IL1R2: variants seen among roughly 807,000 people sequenced by gnomAD.
The protein encoded by IL1R2 is interleukin-1 receptor type 2.
In IL1R2, 46 loss-of-function variants were observed where a neutral mutation model predicts 39.5. The observed-to-expected ratio is 1.16, with a 90% CI of 0.92 to 1.49. The LOEUF (loss-of-function observed/expected upper bound fraction) is 1.49. IL1R2 is among the 40% of genes most tolerant of loss of function. IL1R2 has a pLI of 0.00. For missense variants in IL1R2, 537 were observed against 502.0 expected, an observed-to-expected ratio of 1.07 and a Z score of -0.67; for synonymous variants, 207 against 189.6, an observed-to-expected ratio of 1.09 and a Z score of -0.75.
intron 4 of IL1R2, 70 bp from the exon 5 acceptor site, chr2:102,019,568 A>G: frequency 9.4e-7 from 1 of 1,067,796 alleles, no homozygotes; most frequent in Non-Finnish European, 1.4e-6. Context: ...GTTGATAATG[A>G]TGATGTAATT....
intron 4 of IL1R2, among the ~76,000 whole-genome samples, chr2:102,018,609 A>G (rs1291138672): frequency 6.6e-6 from 1 of 152,206 alleles, no homozygotes; most frequent in Non-Finnish European, 1.5e-5. Flanking sequence ...CGCATGTACT[A>G]TATCCAAGCC....
rs764483579 is a variant in IL1R2 at position 102,026,134 on chromosome 2, AC to A, written c.912del (p.Tyr305ThrfsTer6). 6.2e-7 allele frequency: 1 copy of A among 1,605,994 alleles called. No homozygotes were observed. The highest frequency in any genetic ancestry group is 1.7e-5 in the Admixed American group (1 of 58,756). The part of the protein sequence containing the change: ...PRQEYSENNE[N>X]YIEVPLIFDP... Reference sequence around the variant, plus strand: ...AGGGAATATTCAGAAAATAATGAGAACTACATTGAAGTGCCATTGATTTTTG... The same window carrying A: ...AGGGAATATTCAGAAAATAATGAGAATACATTGAAGTGCCATTGATTTTTG... On this transcript the variant is annotated frameshift_variant, in exon 8 of 9. Transcript: ENST00000332549. LOFTEE classifies it high-confidence loss of function.
intron 3 of IL1R2, among the ~76,000 whole-genome samples, chr2:102,013,524 CAAA>C (rs771727938): frequency 5.3e-4 from 3 of 5,694 alleles, no homozygotes; most frequent in Non-Finnish European, 9.0e-4. Flanking sequence ...TCTATCACTG[CAAA>C]AAAAAAAAAA....
At position 102,009,638 on chromosome 2, in the gene IL1R2, G is replaced by C. The variant is rs543195065; in HGVS notation, c.144G>C (p.Leu48=). Residue 48 remains leucine (L), a synonymous_variant, in exon 3 of 9, where the codon CTG becomes CTC. Transcript: ENST00000332549. ...EFRLEGEPVA[L]RCPQVPYWLW... ...GGCTGGAAGGGGAGCCTGTAGCCCT[G>C]AGGTGCCCCCAGGTGCCCTACTGGT... The C allele has an allele frequency of 2.5e-6, 4 of 1,614,176 alleles. No individual in the cohort carries two copies. The highest frequency in any genetic ancestry group is 1.7e-5 in the Admixed American group (1 of 60,026).
chr2:102,016,211 G>A, intron 4 of IL1R2, 160 bp downstream of exon 4: 5 of 535,096 alleles, frequency 9.3e-6, no homozygotes, highest in Non-Finnish European at 1.3e-5. Flanking sequence ...TCCACATCCT[G>A]GGATTCAACC....
At chr2:102,021,062 T>C (rs1482285345) in intron 5 of IL1R2, among the ~76,000 whole-genome samples, 1 of 152,062 alleles carries the variant, frequency 6.6e-6, no homozygotes, top group African/African-American at 2.4e-5. Flanking sequence ...ATGCCCCAGC[T>C]CCATAGGGCA....
At chr2:102,012,848 T>C (rs1416424103) in intron 3 of IL1R2, among the ~76,000 whole-genome samples, 1 of 152,214 alleles carries the variant, frequency 6.6e-6, no homozygotes, top group Non-Finnish European at 1.5e-5. Context: ...TAAGAAAACA[T>C]GAAACCTGAA....
At chr2:102,022,338 A>T in intron 6 of IL1R2, 89 bp downstream of exon 6, 1 of 1,065,968 alleles carries the variant, frequency 9.4e-7, no homozygotes, top group Middle Eastern at 2.0e-4. Context: ...GCGTCTGCTG[A>T]TCATACCTGC....
At chr2:101,998,696 A>G (rs1469290942) in intron 1 of IL1R2, among the ~76,000 whole-genome samples, 4 of 152,174 alleles carry the variant, frequency 2.6e-5, no homozygotes, top group Non-Finnish European at 5.9e-5. Context: ...GAGGCTGAGC[A>G]TAGCTAGGAT....
At chr2:102,024,505 T>C (rs1239485940) in intron 6 of IL1R2, 28 bp from the exon 7 acceptor site, 49 of 1,575,708 alleles carry the variant, frequency 3.1e-5, no homozygotes, top group Non-Finnish European at 4.1e-5. Flanking sequence ...GGTTCTGCAG[T>C]TGACGTGCTG....
intron 3 of IL1R2, among the ~76,000 whole-genome samples, chr2:102,011,734 T>C (rs1466333563): frequency 6.6e-6 from 1 of 152,242 alleles, no homozygotes; most frequent in Non-Finnish European, 1.5e-5. Flanking sequence ...GTGTCATTTG[T>C]TACACAAAAG....
chr2:102,022,809 T>C (rs1015248526), intron 6 of IL1R2, among the ~76,000 whole-genome samples: 5 of 152,234 alleles, frequency 3.3e-5, no homozygotes, highest in African/African-American at 1.2e-4. Context: ...AGGTCCACAC[T>C]AGTGGCCAGT....
In IL1R2 at chr2:102,015,746, C is replaced by A; in HGVS notation, c.333-125C>A. 3 of 744,392 alleles carry A rather than the reference C, an allele frequency of 4.0e-6. No homozygotes were observed. In the East Asian group the frequency reaches 8.1e-5, roughly 20 times the overall value. 46.1% of individuals were successfully genotyped at this position (744,392 alleles called of 1,614,324 possible). On this transcript the variant is annotated intron_variant, in intron 3 of 8. Transcript: ENST00000332549. ...GTTGAACCATCTTATGTCGGGAAAC[C>A]ATCTGTACTAATCCAGAAAATGCAG...
intron 8 of IL1R2, 117 bp downstream of exon 8, chr2:102,026,370 T>C: frequency 1.2e-6 from 1 of 860,212 alleles, no homozygotes; most frequent in Non-Finnish European, 1.7e-6. Context: ...TTGCATTGTC[T>C]GCTAGTGGAG....
chr2:102,012,062 G>A (rs1676671370), intron 3 of IL1R2, among the ~76,000 whole-genome samples: 1 of 152,180 alleles, frequency 6.6e-6, no homozygotes, highest in African/African-American at 2.4e-5. Context: ...GAAGTTTTAG[G>A]CCTAGTGTTG....
chr2:102,021,668 A>G lies in IL1R2; in HGVS notation c.689-519A>G, dbSNP rs1026188227. Among the ~76,000 whole-genome samples, 5 of 152,328 alleles carry G rather than the reference A, an allele frequency of 3.3e-5. No individual in the cohort carries two copies. The East Asian group carries it at 7.7e-4, about 24-fold the overall frequency. On this transcript the variant is annotated intron_variant, in intron 5 of 8. Coordinates refer to ENST00000332549, the MANE Select transcript of IL1R2 (RefSeq NM_004633.4). Reference sequence around the variant, plus strand: ...CTTGGAGATCCACTTCTGCCTCTCCAGAGAGTTTATCTCTTCAATTAACAA... The same window carrying G: ...CTTGGAGATCCACTTCTGCCTCTCCGGAGAGTTTATCTCTTCAATTAACAA...
chr2:102,025,689 C>G (rs558545347), intron 7 of IL1R2, among the ~76,000 whole-genome samples: 1 of 152,292 alleles, frequency 6.6e-6, no homozygotes, highest in East Asian at 1.9e-4. Context: ...TGAGAAGAGA[C>G]GGCACCACTG....
At chr2:102,019,148 T>C (rs567321702) in intron 4 of IL1R2, among the ~76,000 whole-genome samples, 1 of 152,262 alleles carries the variant, frequency 6.6e-6, no homozygotes. Context: ...GTGGACTCGT[T>C]TCCCCTATTT....
In IL1R2 at chr2:102,010,074, C is replaced by T. The variant is rs184566664; in HGVS notation, c.332+248C>T. The T allele has an allele frequency of 1.2e-4, 61 of 525,108 alleles. No homozygotes were observed. In the East Asian group the frequency reaches 1.8e-3, roughly 15 times the overall value. 32.5% of individuals were successfully genotyped at this position (525,108 alleles called of 1,614,324 possible). ...CCTAGCCATTTTAGCTGACACCGCC[C>T]TCTGTCACTCTCTCCTTACCCTGCT... is the stretch of plus-strand genomic sequence containing the variant. On this transcript the variant is annotated intron_variant, in intron 3 of 8. Transcript: ENST00000332549.
Sources: gnomAD v4.1 joint callset for allele counts (sites outside exome capture counted in the v4.1 genomes callset) on GRCh38, gnomAD v4.1.1 for gene constraint, MANE v1.5 for transcripts, NCBI Gene and HGNC (gene_info 2026-07-23, HGNC 2026-07-21) for gene names.